The following MEI1 variants were observed in gnomAD, a reference collection of about 807,000 sequenced individuals.
The protein encoded by MEI1 is meiotic double-stranded break formation protein 1.
In MEI1, 103 loss-of-function variants were observed where a neutral mutation model predicts 146.2. The observed-to-expected ratio is 0.70, with a 90% CI of 0.60 to 0.83. MEI1 has a LOEUF of 0.83. Ranked by LOEUF, MEI1 falls within the 40% of genes least tolerant of loss-of-function variation. The probability of loss-of-function intolerance (pLI) is 0.00; values close to 1 mark genes in which losing one functional copy is unlikely to be tolerated. For synonymous variants in MEI1, 652 were observed against 628.2 expected, an observed-to-expected ratio of 1.04 and a Z score of -0.57; for missense variants, 1,529 against 1,533.0, an observed-to-expected ratio of 1.00 and a Z score of 0.04.
intron 9 of MEI1, among the ~76,000 whole-genome samples, chr22:41,732,020 G>T (rs757061477): frequency 2.6e-5 from 4 of 152,160 alleles, no homozygotes; most frequent in Non-Finnish European, 5.9e-5. Context: ...TCAAGTGCCA[G>T]GGACTGTGCT....
intron 15 of MEI1, 111 bp from the exon 16 acceptor site, chr22:41,752,480 C>G (rs2073824095): frequency 1.0e-6 from 1 of 985,178 alleles, no homozygotes; most frequent in Admixed American, 2.1e-5. Context: ...ACATTTTGAA[C>G]CAAGTCTGTG....
intron 20 of MEI1, among the ~76,000 whole-genome samples, chr22:41,775,154 T>C (rs1264816523): frequency 2.0e-5 from 3 of 152,210 alleles, no homozygotes; most frequent in African/African-American, 7.2e-5. Context: ...GCTTTGTCTT[T>C]AACATATACT....
chr22:41,764,002 AGTGGCAGGATCGCT>A (rs370099348), intron 19 of MEI1, among the ~76,000 whole-genome samples: 2,571 of 133,116 alleles, frequency 0.019, 49 homozygotes, highest in Admixed American at 0.073. Context: ...GCTGGAGTGC[AGTGGCAGGATCGCT>A]GTGGCAGGAT....
At chr22:41,768,747 T>C (rs576511598) in intron 19 of MEI1, among the ~76,000 whole-genome samples, 14 of 152,254 alleles carry the variant, frequency 9.2e-5, no homozygotes, top group African/African-American at 2.9e-4. Flanking sequence ...TCACTCAGTA[T>C]CACAAGAACA....
chr22:41,753,292 G>A (rs1465241995), intron 16 of MEI1, among the ~76,000 whole-genome samples: 1 of 152,000 alleles, frequency 6.6e-6, no homozygotes, highest in Non-Finnish European at 1.5e-5. Flanking sequence ...GTGAGCCACC[G>A]TGGCTGGCCA....
chr22:41,793,696 T>C, intron 26 of MEI1, 133 bp from the exon 27 acceptor site: 1 of 717,610 alleles, frequency 1.4e-6, no homozygotes, highest in Non-Finnish European at 2.3e-6. Flanking sequence ...TTCTTGATTA[T>C]CTACAGGGCT....
At chr22:41,745,255 T>C (rs2073201080) in intron 13 of MEI1, among the ~76,000 whole-genome samples, 191 bp downstream of exon 13, 1 of 152,140 alleles carries the variant, frequency 6.6e-6, no homozygotes, top group Non-Finnish European at 1.5e-5. Flanking sequence ...GGGTAGGACC[T>C]TTCTAAAGAT....
At chr22:41,699,998 A>G (rs958046040) in intron 1 of MEI1, among the ~76,000 whole-genome samples, 4 of 152,128 alleles carry the variant, frequency 2.6e-5, no homozygotes, top group African/African-American at 7.2e-5. Flanking sequence ...TCTCAGGGAC[A>G]CACCTTCCCG....
intron 3 of MEI1, among the ~76,000 whole-genome samples, chr22:41,712,809 G>GTTTTTT (rs1394700744): frequency 7.9e-6 from 1 of 127,378 alleles, no homozygotes; most frequent in Non-Finnish European, 1.7e-5. Context: ...TTGTTTGTTT[G>GTTTTTT]TTTTTTTTTT....
intron 3 of MEI1, among the ~76,000 whole-genome samples, chr22:41,713,605 A>G (rs1451845835): frequency 4.6e-5 from 7 of 152,038 alleles, no homozygotes; most frequent in Non-Finnish European, 7.4e-5. Flanking sequence ...CTGGAGTGCA[A>G]TGGCACGATC....
intron 19 of MEI1, among the ~76,000 whole-genome samples, chr22:41,764,722 C>T (rs952689228): frequency 6.6e-6 from 1 of 152,120 alleles, no homozygotes; most frequent in African/African-American, 2.4e-5. Flanking sequence ...CGAAAGTGAT[C>T]CAATAGCCTA....
intron 19 of MEI1, among the ~76,000 whole-genome samples, chr22:41,763,943 CTTTTTTTTTT>C (rs71184839): frequency 1.1e-5 from 1 of 91,556 alleles, no homozygotes; most frequent in East Asian, 3.4e-4. Context: ...GGGAAGTTTC[CTTTTTTTTTT>C]TTTTTTTTTT....
At chr22:41,778,904 C>G (rs1287278235) in intron 22 of MEI1, 92 bp downstream of exon 22, 3 of 900,996 alleles carry the variant, frequency 3.3e-6, no homozygotes, top group Admixed American at 2.2e-5. Context: ...CTTTCTTCTA[C>G]TCTTTCATCC....
intron 26 of MEI1, among the ~76,000 whole-genome samples, chr22:41,792,911 G>T (rs1390735501): frequency 3.4e-5 from 3 of 89,402 alleles, no homozygotes; most frequent in South Asian, 4.7e-4. Context: ...GAAAGATCCT[G>T]TTGCTTTAAA....
intron 6 of MEI1, among the ~76,000 whole-genome samples, chr22:41,719,668 G>C (rs2070560900): frequency 6.6e-6 from 1 of 152,136 alleles, no homozygotes; most frequent in African/African-American, 2.4e-5. Context: ...CATGAACTTT[G>C]GGGAACACAT....
At chr22:41,747,736 C>CCCAAAAA (rs1569240908) in intron 14 of MEI1, among the ~76,000 whole-genome samples, 6 of 133,218 alleles carry the variant, frequency 4.5e-5, no homozygotes, top group Non-Finnish European at 6.4e-5. Flanking sequence ...CCCACCCCCC[C>CCCAAAAA]AAAAAAAACA....
chr22:41,775,670 T>C (rs1463322452), intron 20 of MEI1, among the ~76,000 whole-genome samples: 3 of 151,058 alleles, frequency 2.0e-5, no homozygotes, highest in Non-Finnish European at 4.4e-5. Flanking sequence ...CTCGGCTCAC[T>C]GCAAGCCCCG....
intron 30 of MEI1, among the ~76,000 whole-genome samples, chr22:41,797,540 C>T (rs551463419): frequency 4.1e-4 from 63 of 152,080 alleles, no homozygotes; most frequent in African/African-American, 7.2e-4. Flanking sequence ...TGAACTTGGG[C>T]GGCAGAGGTT....
chr22:41,757,891 G>C (rs553374083), intron 17 of MEI1, among the ~76,000 whole-genome samples: 1 of 152,262 alleles, frequency 6.6e-6, no homozygotes, highest in Admixed American at 6.5e-5. Context: ...TGAATCACCT[G>C]AGGTCAGGAG....
Sources: allele counts gnomAD v4.1 joint callset (sites outside exome capture counted in the v4.1 genomes callset), GRCh38; gene constraint gnomAD v4.1.1; transcripts MANE v1.5; gene names NCBI Gene and HGNC (gene_info 2026-07-23, HGNC 2026-07-21).